Variants in SCN1A observed in about 807,000 individuals in gnomAD.
SCN1A encodes sodium voltage-gated channel alpha subunit 1.
SCN1A carries 13 observed loss-of-function variants against 193.7 expected under a neutral mutation model. The ratio of observed to expected loss-of-function variants is 0.07; its 90% CI spans 0.04 to 0.11. The LOEUF (loss-of-function observed/expected upper bound fraction) is 0.11, where lower values mean the gene tolerates loss of function less well. SCN1A is among the 10% of genes least tolerant of loss of function. The pLI, the probability that SCN1A is intolerant of heterozygous loss-of-function variation, is 1.00. For synonymous variants in SCN1A, 781 were observed against 843.6 expected (o/e 0.93, Z 1.29); for missense variants, 1,432 against 2,451.1 (o/e 0.58, Z 8.78).
intron 1 of SCN1A, among the ~76,000 whole-genome samples, chr2:166,144,659 T>TA (rs1012664681): frequency 2.8e-4 from 42 of 152,158 alleles, no homozygotes; most frequent in Admixed American, 9.2e-4. Context: ...CAGGTCTTTA[T>TA]AAAAAATCAC....
intron 20 of SCN1A, among the ~76,000 whole-genome samples, chr2:166,014,116 G>A (rs557660470): frequency 6.6e-6 from 1 of 151,694 alleles, no homozygotes; most frequent in East Asian, 1.9e-4. Context: ...TATTTGCTTT[G>A]TCTGCCTCAC....
In SCN1A at chr2:166,036,201, A is replaced by C. The variant is rs895560193; in HGVS notation, c.3276T>G (p.Val1092=). The C allele has an allele frequency of 2.5e-6, 4 of 1,614,018 alleles. No individual in the cohort carries two copies. In the Admixed American group the frequency reaches 6.7e-5, roughly 27 times the overall value. ...CACTTTCATCAATAATGTATTTTTCAACACTGCTGCCAGTTCCTATACCAC... is the reference window on the plus strand; with the variant it reads ...CACTTTCATCAATAATGTATTTTTCCACACTGCTGCCAGTTCCTATACCAC... The part of the protein sequence containing the change: ...TTSGIGTGSS[V]EKYIIDESDY... The change falls in exon 19 of 29, where the codon GTT becomes GTG. Residue 1092 remains valine (V), a synonymous_variant. Transcript: ENST00000674923.
chr2:166,028,572 G>A (rs1385295730), intron 19 of SCN1A, among the ~76,000 whole-genome samples: 1 of 152,082 alleles, frequency 6.6e-6, no homozygotes. Flanking sequence ...ACCTCCTTAG[G>A]CTTTAGGTTT....
chr2:166,030,194 A>G (rs1321176440), intron 19 of SCN1A, among the ~76,000 whole-genome samples: 1 of 152,208 alleles, frequency 6.6e-6, no homozygotes, highest in Non-Finnish European at 1.5e-5. Context: ...GGAGCAGACT[A>G]TGGAGCAGAC....
At chr2:166,058,883 C>T (rs1389183091) in intron 4 of SCN1A, among the ~76,000 whole-genome samples, 195 bp from the exon 5 acceptor site, 1 of 152,058 alleles carries the variant, frequency 6.6e-6, no homozygotes, top group East Asian at 1.9e-4. Flanking sequence ...TCCAATGATA[C>T]CACTTACCTT....
intron 4 of SCN1A, among the ~76,000 whole-genome samples, chr2:166,068,359 A>T (rs2105958396): frequency 6.6e-6 from 1 of 152,280 alleles, no homozygotes; most frequent in South Asian, 2.1e-4. Flanking sequence ...CAGGGAGGTG[A>T]CAAAGGAAAA....
intron 2 of SCN1A, among the ~76,000 whole-genome samples, chr2:166,105,561 A>G (rs1688598091): frequency 6.6e-6 from 1 of 152,238 alleles, no homozygotes. Flanking sequence ...TTGGCCAAAA[A>G]CAATTAATCC....
At chr2:166,128,679 T>C (rs1056551284), upstream of SCN1A, among the ~76,000 whole-genome samples, 6 of 152,192 alleles carry the variant, frequency 3.9e-5, no homozygotes, top group African/African-American at 7.2e-5. Flanking sequence ...TCAATTTCTA[T>C]GGTTTTACTA....
chr2:166,091,595 T>C (rs506158), intron 2 of SCN1A, among the ~76,000 whole-genome samples: 101,586 of 152,094 alleles, frequency 0.67, 34,145 homozygotes, highest in Admixed American at 0.75. Flanking sequence ...CTGCCTGCTA[T>C]ATTTGCAGGC....
intron 18 of SCN1A, 148 bp from the exon 19 acceptor site, chr2:166,036,678 A>G: frequency 2.7e-6 from 2 of 738,518 alleles, no homozygotes; most frequent in South Asian, 3.9e-5. Flanking sequence ...TGATTAGAAG[A>G]TGGGTGATCT....
Position 166,002,766 on chromosome 2 carries a change from TG to T in SCN1A, c.4003-14del, listed in dbSNP as rs772168656. 1 of 1,591,610 alleles carries T rather than the reference TG, an allele frequency of 6.3e-7. No homozygotes were observed. The highest frequency in any genetic ancestry group is 1.2e-5 in the South Asian group (1 of 85,824). On this transcript the variant is annotated splice_polypyrimidine_tract_variant and intron_variant, in intron 23 of 28. Transcript: ENST00000674923. ...CATTCACAACCACCTAATACACAAATGGAAAAAAAGAAAAGTCAGAATTCTT... is the reference window on the plus strand; with the variant it reads ...CATTCACAACCACCTAATACACAAATGAAAAAAAGAAAAGTCAGAATTCTT...
chr2:166,073,115 G>A (rs955876952), intron 4 of SCN1A, among the ~76,000 whole-genome samples: 2 of 152,120 alleles, frequency 1.3e-5, no homozygotes, highest in Admixed American at 1.3e-4. Flanking sequence ...TGGGATTACA[G>A]GCTTGAGCCA....
At chr2:166,104,002 C>G (rs1688422332) in intron 2 of SCN1A, among the ~76,000 whole-genome samples, 1 of 152,138 alleles carries the variant, frequency 6.6e-6, no homozygotes, top group Non-Finnish European at 1.5e-5. Context: ...AAATGTATCT[C>G]TGTTCATGGC....
upstream of SCN1A, among the ~76,000 whole-genome samples, chr2:166,131,393 A>G (rs1691655634): frequency 6.7e-6 from 1 of 148,510 alleles, no homozygotes; most frequent in Admixed American, 6.6e-5. Context: ...CGTCTCTGTA[A>G]GACTCCGTCT....
chr2:166,076,909 T>C (rs985133727), intron 3 of SCN1A, among the ~76,000 whole-genome samples: 27 of 151,524 alleles, frequency 1.8e-4, no homozygotes, highest in Admixed American at 1.3e-4. Context: ...CAAATCTAAA[T>C]GTAAAATGCA....
In SCN1A at chr2:166,096,089, A is replaced by G. The variant is rs571174252; in HGVS notation, c.-141-18288T>C. ...CATGTCTTACAAACATTCACACTAT[A>G]TTCTTTTTAAATTATACAAATGTAA... On this transcript the variant is annotated intron_variant, in intron 2 of 28. Transcript: ENST00000674923. Among the ~76,000 whole-genome samples the G allele has an allele frequency of 8.5e-4, 130 of 152,304 alleles. 1 individual carries two copies. Among genetic ancestry groups the G allele is most frequent in the South Asian group, 2.1e-3 (10 of 4,826 alleles).
chr2:166,089,852 A>G (rs1686583069), intron 2 of SCN1A, among the ~76,000 whole-genome samples: 1 of 152,030 alleles, frequency 6.6e-6, no homozygotes, highest in African/African-American at 2.4e-5. Context: ...AACCAGTGGC[A>G]AGCATATTTT....
In SCN1A at chr2:166,039,609, C is replaced by T. The variant is rs1696892639; in HGVS notation, c.2416-13G>A. 6.2e-7 allele frequency: 1 copy of T among 1,607,904 alleles called. No individual in the cohort carries two copies. The highest frequency in any genetic ancestry group is 1.3e-5 in the African/African-American group (1 of 74,752). On this transcript the variant is annotated splice_polypyrimidine_tract_variant and intron_variant, in intron 16 of 28. Coordinates refer to ENST00000674923, the MANE Select transcript of SCN1A (RefSeq NM_001165963.4). ...TCCCAGTGAAAACCTAAGATCAAAA[C>T]AAAATTAATCTAATTCCACCAGATA...
chr2:166,122,710 A>G (rs1690737877), intron 2 of SCN1A, among the ~76,000 whole-genome samples: 1 of 152,208 alleles, frequency 6.6e-6, no homozygotes, highest in Non-Finnish European at 1.5e-5. Context: ...ACCTCACATT[A>G]TATGCAAAAA....
Sources: gnomAD v4.1 joint callset for allele counts (sites outside exome capture counted in the v4.1 genomes callset) on GRCh38, gnomAD v4.1.1 for gene constraint, MANE v1.5 for transcripts, NCBI Gene and HGNC (gene_info 2026-07-23, HGNC 2026-07-21) for gene names.